ADRA1A: variants seen among roughly 807,000 people sequenced by gnomAD.
ADRA1A encodes the protein alpha-1A adrenergic receptor.
A neutral mutation model predicts 29.6 loss-of-function variants in ADRA1A; 31 were observed. That is an observed-to-expected ratio of 1.05 (90% CI 0.79 to 1.41). The LOEUF is 1.41. Among genes scored for constraint, ADRA1A ranks in the 40% most tolerant of loss-of-function variants. ADRA1A has a pLI of 0.00. For synonymous variants in ADRA1A, 311 were observed against 254.3 expected, an observed-to-expected ratio of 1.22 and a Z score of -2.12; for missense variants, 619 against 601.1, an observed-to-expected ratio of 1.03 and a Z score of -0.31.
intron 2 of ADRA1A, among the ~76,000 whole-genome samples, chr8:26,786,507 C>T (rs1427776325): frequency 6.6e-6 from 1 of 151,814 alleles, no homozygotes; most frequent in African/African-American, 2.4e-5. Context: ...TCAAATGATC[C>T]ACGTGCCTCA....
intron 2 of ADRA1A, among the ~76,000 whole-genome samples, chr8:26,774,590 G>A (rs2130308183): frequency 6.6e-6 from 1 of 151,968 alleles, no homozygotes; most frequent in Non-Finnish European, 1.5e-5. Flanking sequence ...GATTGCTTGA[G>A]CCCGGGAGGT....
chr8:26,770,041 C>T lies in ADRA1A; in HGVS notation c.*108G>A, dbSNP rs1291976873. On this transcript the variant is annotated 3_prime_UTR_variant, in exon 3 of 3. Transcript: ENST00000380573. ...ACCACCCACCCCATTCCCAGCAGGT[C>T]CCCTCTTTGATTGGTCCTGTCTTGT... 3 of 1,481,946 alleles carry T rather than the reference C, an allele frequency of 2.0e-6. No homozygotes were observed. Among genetic ancestry groups the T allele is most frequent in the Non-Finnish European group, 2.7e-6 (3 of 1,118,276 alleles). The allele number at this position is 1,481,946 out of a possible 1,614,324, so 91.8% of individuals were successfully genotyped here. A position where few individuals can be genotyped will look rare whatever the true frequency, so the allele number is the denominator to read the frequency against.
In ADRA1A at chr8:26,864,749, AG is replaced by A. The variant is rs1813770795; in HGVS notation, c.220del (p.Leu74CysfsTer16). 6.2e-7 allele frequency: 1 copy of A among 1,614,120 alleles called. No homozygotes were observed. The highest frequency in any genetic ancestry group is 1.3e-5 in the African/African-American group (1 of 75,032). On this transcript the variant is annotated frameshift_variant, in exon 2 of 3. Transcript: ENST00000380573. LOFTEE classifies it high-confidence loss of function. The surrounding 1 kb of genome is among the most constrained non-coding windows in gnomAD (Gnocchi z 8.1). ...GAAGGGCAGCACCGTGGAGGTGAGC[AG>A]GAGGTCGGCCACCGCCAGGTTGACG... Reference protein sequence around the residue: ...YIVNLAVADLLLTSTVLPFSA... With the variant: ...YIVNLAVADLXLTSTVLPFSA...
chr8:26,820,473 C>T (rs1030505273), intron 2 of ADRA1A, among the ~76,000 whole-genome samples: 7 of 152,184 alleles, frequency 4.6e-5, no homozygotes, highest in Non-Finnish European at 7.4e-5. Context: ...CCCAGGGATA[C>T]TTTCTTGACT....
At chr8:26,809,002 T>A (rs1483640542) in intron 2 of ADRA1A, among the ~76,000 whole-genome samples, 1 of 152,204 alleles carries the variant, frequency 6.6e-6, no homozygotes, top group East Asian at 1.9e-4. Flanking sequence ...ACTTGCTTTC[T>A]CTTTATTGAT....
chr8:26,766,043 C>T (rs781498946), downstream of ADRA1A: 18 of 1,613,366 alleles, frequency 1.1e-5, no homozygotes, highest in Middle Eastern at 1.6e-4. Context: ...TCTCCAGCTA[C>T]CTGGAGATCA....
In ADRA1A at chr8:26,864,508, G is replaced by C. The variant is rs2229124; in HGVS notation, c.462C>G (p.Ser154=). 12,177 of 1,614,026 alleles carry C rather than the reference G, an allele frequency of 7.5e-3. 67 individuals carry two copies. The highest frequency in any genetic ancestry group is 0.011 in the South Asian group (984 of 91,086). The change falls in exon 2 of 3, where the codon TCC becomes TCG. Residue 154 remains serine (S), a synonymous_variant. Coordinates refer to ENST00000380573, the MANE Select transcript of ADRA1A (RefSeq NM_000680.4). The surrounding 1 kb of genome is among the most constrained non-coding windows in gnomAD (Gnocchi z 8.1). The part of the protein sequence containing the change: ...LMALLCVWAL[S]LVISIGPLFG... ...ACAGGGGTCCAATGGATATGACCAG[G>C]GAGAGTGCCCAGACGCAGAGCAGAG...
chr8:26,749,450 T>C (rs186101875), intron 2 of ADRA1A, among the ~76,000 whole-genome samples: 1 of 151,752 alleles, frequency 6.6e-6, no homozygotes, highest in East Asian at 1.9e-4. Context: ...GTAAGCCTTA[T>C]GTTTTTCTGT....
intron 2 of ADRA1A, among the ~76,000 whole-genome samples, chr8:26,827,107 T>C (rs1410340472): frequency 6.6e-6 from 1 of 152,230 alleles, no homozygotes; most frequent in East Asian, 1.9e-4. Flanking sequence ...TCATGCAATG[T>C]GCTTAAAATA....
downstream of ADRA1A, among the ~76,000 whole-genome samples, chr8:26,767,923 T>G (rs1416021697): frequency 1.3e-5 from 2 of 152,218 alleles, no homozygotes; most frequent in African/African-American, 2.4e-5. Context: ...TCTTCATAGA[T>G]GCCTGCCTCT....
At chr8:26,785,179 G>A (rs73231540) in intron 2 of ADRA1A, among the ~76,000 whole-genome samples, 17,268 of 152,108 alleles carry the variant, frequency 0.11, 1,220 homozygotes, top group Middle Eastern at 0.2. Flanking sequence ...AGCATTTTAA[G>A]GGGCATATAT....
At chr8:26,863,178 G>C (rs1174792692) in intron 2 of ADRA1A, among the ~76,000 whole-genome samples, 1 of 152,194 alleles carries the variant, frequency 6.6e-6, no homozygotes, top group African/African-American at 2.4e-5. Context: ...GTTTGGGTCT[G>C]TATTTGAGCT....
intron 2 of ADRA1A, among the ~76,000 whole-genome samples, chr8:26,801,461 T>C (rs938071273): frequency 6.6e-6 from 1 of 152,196 alleles, no homozygotes; most frequent in African/African-American, 2.4e-5. Flanking sequence ...AGCATTTCTA[T>C]ATGCCAACAG....
At chr8:26,762,710 A>C (rs1391069010), downstream of ADRA1A, among the ~76,000 whole-genome samples, 1 of 152,172 alleles carries the variant, frequency 6.6e-6, no homozygotes, top group African/African-American at 2.4e-5. The surrounding 1 kb of genome is among the most constrained non-coding windows in gnomAD (Gnocchi z 4.0). Flanking sequence ...AAGGTCACAG[A>C]TTACTTAATG....
At chr8:26,791,259 A>G (rs2130424271) in intron 2 of ADRA1A, among the ~76,000 whole-genome samples, 1 of 152,302 alleles carries the variant, frequency 6.6e-6, no homozygotes, top group South Asian at 2.1e-4. Context: ...AGTTTCCTCT[A>G]TTATAAATAA....
chr8:26,801,722 C>G (rs931524537), intron 2 of ADRA1A, among the ~76,000 whole-genome samples: 2 of 151,848 alleles, frequency 1.3e-5, no homozygotes, highest in Admixed American at 1.3e-4. Context: ...CAATCCCTAT[C>G]GAAATACCAA....
At chr8:26,837,138 TC>T (rs1489426259) in intron 2 of ADRA1A, among the ~76,000 whole-genome samples, 1 of 141,192 alleles carries the variant, frequency 7.1e-6, no homozygotes, top group Non-Finnish European at 1.6e-5. Flanking sequence ...TTTGTCCTTG[TC>T]AATAGAAAAA....
In ADRA1A at chr8:26,864,424, C is replaced by T. The variant is rs376900241; in HGVS notation, c.546G>A (p.Pro182=). ...CCAGCGCTGAGAAGAGCACGTAGCCCGGCTCCTCGTTGATCTGGCAGATGG... is the reference window on the plus strand; with the variant it reads ...CCAGCGCTGAGAAGAGCACGTAGCCTGGCTCCTCGTTGATCTGGCAGATGG... ...DETICQINEE[P]GYVLFSALGS... is the part of the protein sequence containing the mutation. Residue 182 remains proline (P), a synonymous_variant, in exon 2 of 3, where the codon CCG becomes CCA. Coordinates refer to ENST00000380573, the MANE Select transcript of ADRA1A (RefSeq NM_000680.4). The surrounding 1 kb of genome is among the most constrained non-coding windows in gnomAD (Gnocchi z 8.1). 8 of 1,613,318 alleles carry T rather than the reference C, an allele frequency of 5.0e-6. No homozygotes were observed. The highest frequency in any genetic ancestry group is 5.9e-6 in the Non-Finnish European group (7 of 1,180,022).
At chr8:26,850,025 C>CAAAAAAAAAAAACAAAAAAAA (rs141672591) in intron 2 of ADRA1A, among the ~76,000 whole-genome samples, 1 of 121,558 alleles carries the variant, frequency 8.2e-6, no homozygotes, top group African/African-American at 3.2e-5. Flanking sequence ...GAGAGAAATG[C>CAAAAAAAAAAAACAAAAAAAA]AAAAACAAAA....
Sources: allele counts gnomAD v4.1 joint callset (sites outside exome capture counted in the v4.1 genomes callset), GRCh38; gene constraint gnomAD v4.1.1; non-coding constraint Gnocchi (gnomAD v3.1); transcripts MANE v1.5; gene names NCBI Gene and HGNC (gene_info 2026-07-23, HGNC 2026-07-21).